Variants in IPPK observed in about 807,000 individuals in gnomAD.
IPPK encodes the protein IPK1 homolog.
Under a neutral mutation model 64.6 loss-of-function variants are expected in IPPK, and 22 were observed. The ratio of observed to expected loss-of-function variants is 0.34; its 90% CI spans 0.24 to 0.49. IPPK has a LOEUF of 0.49. IPPK is among the 20% of genes least tolerant of loss of function. The pLI is 0.99. For synonymous variants in IPPK, 262 were observed against 247.2 expected, an observed-to-expected ratio of 1.06 and a Z score of -0.56; for missense variants, 532 against 630.7, an observed-to-expected ratio of 0.84 and a Z score of 1.68.
chr9:92,616,006 G>A lies in IPPK; in HGVS notation c.1302C>T (p.Ser434=), dbSNP rs779279216. 28 of 1,614,036 alleles carry A rather than the reference G, an allele frequency of 1.7e-5. No homozygotes were observed. The highest frequency in any genetic ancestry group is 1.3e-4 in the Admixed American group (8 of 59,994). The change falls in exon 13 of 13, where the codon TCC becomes TCT. Residue 434 remains serine, a synonymous_variant. Transcript: ENST00000287996. The stretch of plus-strand genomic sequence containing the variant: ...TGAGGTCAAGGTCCAGCACAGACAC[G>A]GAAAAGGCAAACCTGGACCTCGATG... The part of the protein sequence containing the change: ...VPSSRSRFAF[S]VSVLDLDLKP...
intron 11 of IPPK, among the ~76,000 whole-genome samples, chr9:92,632,584 C>T (rs986640604): frequency 4.6e-5 from 7 of 152,254 alleles, no homozygotes; most frequent in African/African-American, 1.7e-4. Flanking sequence ...CGCCACACTG[C>T]TGTTTATACC....
chr9:92,668,251 G>C (rs570432534), intron 1 of IPPK, among the ~76,000 whole-genome samples: 11 of 152,180 alleles, frequency 7.2e-5, no homozygotes, highest in Non-Finnish European at 1.3e-4. Context: ...CTGGGCAACA[G>C]AGTGAGACCC....
At chr9:92,641,669 CA>C (rs1310394892) in intron 7 of IPPK, among the ~76,000 whole-genome samples, 1 of 152,172 alleles carries the variant, frequency 6.6e-6, no homozygotes, top group Admixed American at 6.5e-5. Context: ...TTTTAACTTC[CA>C]AAGACAACTC....
chr9:92,634,020 G>A (rs559091120), intron 11 of IPPK, among the ~76,000 whole-genome samples: 12 of 152,380 alleles, frequency 7.9e-5, no homozygotes, highest in African/African-American at 2.9e-4. Context: ...GGGCAGGGCA[G>A]AGGCACAGGT....
intron 11 of IPPK, among the ~76,000 whole-genome samples, chr9:92,630,425 C>T (rs901004144): frequency 6.6e-6 from 1 of 152,160 alleles, no homozygotes; most frequent in Admixed American, 6.5e-5. Context: ...AGGGTTTTTA[C>T]TGAAGTGATG....
intron 6 of IPPK, among the ~76,000 whole-genome samples, chr9:92,644,297 T>C (rs1195593103): frequency 2.0e-5 from 3 of 152,232 alleles, no homozygotes; most frequent in Admixed American, 6.5e-5. Context: ...ATCAGTGAGC[T>C]TGTTGGCACT....
At chr9:92,628,161 A>G (rs1251300245) in intron 11 of IPPK, among the ~76,000 whole-genome samples, 4 of 152,240 alleles carry the variant, frequency 2.6e-5, no homozygotes, top group East Asian at 1.9e-4. Flanking sequence ...CTTAGTTTAC[A>G]CTCTGAAAAC....
At chr9:92,661,878 G>A (rs1852491904) in intron 1 of IPPK, among the ~76,000 whole-genome samples, 1 of 152,242 alleles carries the variant, frequency 6.6e-6, no homozygotes, top group Admixed American at 6.5e-5. Flanking sequence ...TGGTCCCCAA[G>A]ATGTGCCAGG....
intron 11 of IPPK, among the ~76,000 whole-genome samples, chr9:92,627,723 CA>C (rs1038723584): frequency 1.3e-5 from 2 of 152,110 alleles, no homozygotes; most frequent in African/African-American, 4.8e-5. Flanking sequence ...AAGGAATCTA[CA>C]AAAAACAACT....
chr9:92,659,781 C>G (rs775301362), intron 1 of IPPK, among the ~76,000 whole-genome samples: 5 of 152,142 alleles, frequency 3.3e-5, no homozygotes, highest in Admixed American at 6.5e-5. Context: ...CCACCCGCTC[C>G]CCGCAGCCCT....
intron 5 of IPPK, among the ~76,000 whole-genome samples, 197 bp downstream of exon 5, chr9:92,649,256 G>C (rs1852208352): frequency 6.6e-6 from 1 of 152,154 alleles, no homozygotes; most frequent in Non-Finnish European, 1.5e-5. Context: ...CCTAAACCTG[G>C]GATCTGGGAG....
At chr9:92,625,746 G>A (rs902000806) in intron 11 of IPPK, among the ~76,000 whole-genome samples, 2 of 152,108 alleles carry the variant, frequency 1.3e-5, no homozygotes, top group African/African-American at 4.8e-5. Flanking sequence ...TAAGCCACAG[G>A]GTAGAGGATC....
chr9:92,663,396 GCAA>G (rs1852527643), intron 1 of IPPK, among the ~76,000 whole-genome samples: 1 of 152,196 alleles, frequency 6.6e-6, no homozygotes, highest in Non-Finnish European at 1.5e-5. Context: ...TGTTCATATG[GCAA>G]CAACATCACC....
chr9:92,632,925 C>T (rs1457232249), intron 11 of IPPK, among the ~76,000 whole-genome samples: 1 of 152,204 alleles, frequency 6.6e-6, no homozygotes, highest in African/African-American at 2.4e-5. Context: ...AGCGCCAGCT[C>T]GCTCCAGAAC....
chr9:92,631,882 T>A (rs1851851997), intron 11 of IPPK, among the ~76,000 whole-genome samples: 1 of 152,224 alleles, frequency 6.6e-6, no homozygotes, highest in Non-Finnish European at 1.5e-5. Context: ...TTTGACCTTT[T>A]ATAACCACAT....
intron 7 of IPPK, among the ~76,000 whole-genome samples, chr9:92,641,749 C>T (rs1852051187): frequency 6.6e-6 from 1 of 152,294 alleles, no homozygotes; most frequent in Middle Eastern, 3.4e-3. Context: ...GATGACCAGG[C>T]ACGCACTCAG....
intron 8 of IPPK, among the ~76,000 whole-genome samples, chr9:92,638,703 C>T (rs891070830): frequency 6.6e-6 from 1 of 152,246 alleles, no homozygotes; most frequent in Non-Finnish European, 1.5e-5. Context: ...AGCACCAGCA[C>T]CACAAACGAG....
intron 11 of IPPK, 40 bp downstream of exon 11, chr9:92,634,346 C>T: frequency 7.2e-7 from 1 of 1,388,124 alleles, no homozygotes. Context: ...TGCTAAGAAG[C>T]TAAGGATCAC....
intron 1 of IPPK, among the ~76,000 whole-genome samples, chr9:92,665,687 C>T (rs72756444): frequency 0.051 from 7,824 of 152,304 alleles, 240 homozygotes; most frequent in South Asian, 0.11. Context: ...ATAACCACAT[C>T]ATGCATCTTC....
Sources: allele counts gnomAD v4.1 joint callset (sites outside exome capture counted in the v4.1 genomes callset), GRCh38; gene constraint gnomAD v4.1.1; transcripts MANE v1.5; gene names NCBI Gene and HGNC (gene_info 2026-07-23, HGNC 2026-07-21).